The following RAB17 variants were observed in gnomAD, a reference collection of about 807,000 sequenced individuals.
RAB17 encodes the protein ras-related protein Rab-17.
In RAB17, 15 loss-of-function variants were observed where a neutral mutation model predicts 19.3. The ratio of observed to expected loss-of-function variants is 0.78; its 90% CI spans 0.52 to 1.20. RAB17 has a LOEUF of 1.20. Among genes scored for constraint, RAB17 ranks in the 50% most tolerant of loss-of-function variants. The pLI is 0.00. For missense variants in RAB17, 262 were observed against 269.3 expected (o/e 0.97, Z 0.19); for synonymous variants, 110 against 112.8 (o/e 0.97, Z 0.16).
intron 4 of RAB17, among the ~76,000 whole-genome samples, chr2:237,577,029 C>CGT (rs377020265): frequency 2.0e-5 from 3 of 151,628 alleles, no homozygotes; most frequent in South Asian, 2.1e-4. Context: ...TGTGTGTGTG[C>CGT]GTGTGTGTGT....
intron 1 of RAB17, among the ~76,000 whole-genome samples, chr2:237,586,797 C>T (rs1327658743): frequency 1.3e-5 from 2 of 152,156 alleles, no homozygotes; most frequent in African/African-American, 2.4e-5. Context: ...GAGAACGGTC[C>T]GATGGGCCCA....
chr2:237,576,753 G>A (rs1683964486), intron 4 of RAB17: 6 of 470,648 alleles, frequency 1.3e-5, no homozygotes, highest in South Asian at 4.6e-5. Flanking sequence ...CTGGGTGACC[G>A]CTGCCTCTGC....
chr2:237,589,636 A>G (rs577778287), intron 1 of RAB17, among the ~76,000 whole-genome samples: 1 of 152,308 alleles, frequency 6.6e-6, no homozygotes, highest in African/African-American at 2.4e-5. Flanking sequence ...CCTTCTGTCC[A>G]AAGAGAAAAT....
chr2:237,577,837 G>C (rs1178592330), intron 3 of RAB17, 167 bp downstream of exon 3: 1 of 739,916 alleles, frequency 1.4e-6, no homozygotes, highest in Non-Finnish European at 2.2e-6. Context: ...GAACCCCACT[G>C]TGGAGGAGGA....
chr2:237,588,411 C>G (rs1229275483), intron 1 of RAB17, among the ~76,000 whole-genome samples: 1 of 152,198 alleles, frequency 6.6e-6, no homozygotes, highest in African/African-American at 2.4e-5. Flanking sequence ...TCTGTTAAAG[C>G]AGCACAAACA....
chr2:237,579,956 C>G (rs2081296165), intron 2 of RAB17, among the ~76,000 whole-genome samples: 1 of 152,222 alleles, frequency 6.6e-6, no homozygotes, highest in South Asian at 2.1e-4. Context: ...ACAGTAGGAC[C>G]AGTGATTTCC....
chr2:237,587,045 T>G (rs1329278598), intron 1 of RAB17, among the ~76,000 whole-genome samples: 1 of 152,096 alleles, frequency 6.6e-6, no homozygotes, highest in Non-Finnish European at 1.5e-5. Context: ...TTGAATAGAG[T>G]CCTATGAACT....
At chr2:237,589,505 C>T (rs113176868) in intron 1 of RAB17, among the ~76,000 whole-genome samples, 2,554 of 152,256 alleles carry the variant, frequency 0.017, 79 homozygotes, top group African/African-American at 0.058. Flanking sequence ...AACCATTTTC[C>T]TAATACTGGA....
Position 237,577,303 on chromosome 2 carries a change from A to G in RAB17, c.389T>C (p.Val130Ala). The stretch of plus-strand genomic sequence containing the variant: ...CTGGCTGAGGTCCGTCTTGTTGCCC[A>G]CCAGCATCACCAGGACTTCTCCTGG... ...LHPGEVLVML[V>A]GNKTDLSQER... Residue 130 changes from valine to alanine, a missense_variant, in exon 4 of 6, where the codon GTG becomes GCG. By Grantham distance (64) the Val-to-Ala change is moderately conservative. Coordinates refer to ENST00000264601, the MANE Select transcript of RAB17 (RefSeq NM_022449.4). 1 of 1,613,940 alleles carries G rather than the reference A, an allele frequency of 6.2e-7. No homozygotes were observed.
At chr2:237,585,091 C>T (rs1174409353) in intron 2 of RAB17, among the ~76,000 whole-genome samples, 1 of 152,242 alleles carries the variant, frequency 6.6e-6, no homozygotes, top group Non-Finnish European at 1.5e-5. Flanking sequence ...TCATGTGCCA[C>T]ATCTTGCAAT....
At chr2:237,582,565 T>TC (rs1362753223) in intron 2 of RAB17, among the ~76,000 whole-genome samples, 1 of 152,176 alleles carries the variant, frequency 6.6e-6, no homozygotes, top group African/African-American at 2.4e-5. Flanking sequence ...CTCCTGCATT[T>TC]CCAGGCCGCC....
chr2:237,586,789 G>C (rs1449783619), intron 1 of RAB17, among the ~76,000 whole-genome samples: 1 of 152,100 alleles, frequency 6.6e-6, no homozygotes, highest in Non-Finnish European at 1.5e-5. Context: ...ACAATAGAGA[G>C]AACGGTCCGA....
At position 237,575,027 on chromosome 2, in the gene RAB17, C is replaced by A. The variant is rs775097225; in HGVS notation, c.631G>T (p.Ala211Ser). The stretch of plus-strand genomic sequence containing the variant: ...CCCAGGAGTGGCTGCACCTAGTGGG[C>A]GCAGCATTTGGCCTGCCTCGCGGGC... ...KGPARQAKCCAH is the reference protein window; with the variant it reads ...KGPARQAKCCSH The change falls in exon 6 of 6, where the codon GCC becomes TCC. Residue 211 changes from alanine (A) to serine (S), a missense_variant. Transcript: ENST00000264601. The A allele has an allele frequency of 2.5e-6, 4 of 1,609,002 alleles. No individual in the cohort carries two copies. Among genetic ancestry groups the A allele is most frequent in the Middle Eastern group, 1.6e-4 (1 of 6,062 alleles).
chr2:237,582,668 A>G (rs994840118), intron 2 of RAB17, among the ~76,000 whole-genome samples: 1 of 152,226 alleles, frequency 6.6e-6, no homozygotes. Context: ...TAAAAGCTGA[A>G]GCCACACGTG....
At chr2:237,587,941 T>C (rs1390231186) in intron 1 of RAB17, among the ~76,000 whole-genome samples, 2 of 152,174 alleles carry the variant, frequency 1.3e-5, no homozygotes. Flanking sequence ...TCTGTTTTCC[T>C]TGGAGCTGGG....
At chr2:237,578,254 G>C in intron 2 of RAB17, 99 bp from the exon 3 acceptor site, 1 of 1,253,760 alleles carries the variant, frequency 8.0e-7, no homozygotes, top group Non-Finnish European at 1.1e-6. Flanking sequence ...AATGGGCTCA[G>C]AGGGACAGCT....
chr2:237,577,409 CA>C, intron 3 of RAB17, 27 bp from the exon 4 acceptor site: 1 of 1,588,244 alleles, frequency 6.3e-7, no homozygotes, highest in Non-Finnish European at 8.6e-7. Flanking sequence ...AAAGTAACAT[CA>C]AACAAAACTT....
At chr2:237,575,353 T>TC (rs1574931414) in intron 5 of RAB17, 34 bp downstream of exon 5, 3 of 1,535,560 alleles carry the variant, frequency 2.0e-6, no homozygotes, top group Non-Finnish European at 2.7e-6. Flanking sequence ...GACAAGCACC[T>TC]CCCCCTTGTC....
At chr2:237,583,100 C>CA (rs895630413) in intron 2 of RAB17, among the ~76,000 whole-genome samples, 10 of 151,856 alleles carry the variant, frequency 6.6e-5, no homozygotes, top group South Asian at 2.1e-4. Context: ...GACTCCGTCT[C>CA]AAAAAAAATA....
Sources: allele counts gnomAD v4.1 joint callset (sites outside exome capture counted in the v4.1 genomes callset), GRCh38; gene constraint gnomAD v4.1.1; transcripts MANE v1.5; gene names NCBI Gene and HGNC (gene_info 2026-07-23, HGNC 2026-07-21).